MYH9: variants seen among roughly 807,000 people sequenced by gnomAD.
MYH9 encodes myosin-9.
Under a neutral mutation model 241.9 loss-of-function variants are expected in MYH9, and 29 were observed. The ratio of observed to expected loss-of-function variants is 0.12; its 90% CI spans 0.09 to 0.16. MYH9 has a LOEUF of 0.16. MYH9 is among the 10% of genes least tolerant of loss of function. MYH9 has a pLI of 1.00. For synonymous variants in MYH9, 1,047 were observed against 1,062.6 expected, an observed-to-expected ratio of 0.99 and a Z score of 0.29; for missense variants, 1,803 against 2,595.5, an observed-to-expected ratio of 0.69 and a Z score of 6.63.
intron 1 of MYH9, among the ~76,000 whole-genome samples, chr22:36,372,272 G>C (rs1219460273): frequency 6.6e-6 from 1 of 152,078 alleles, no homozygotes; most frequent in African/African-American, 2.4e-5. Context: ...AGGATCACTT[G>C]AACCCAGGTG....
intron 34 of MYH9, 175 bp from the exon 35 acceptor site, chr22:36,287,021 C>T (rs1400922344): frequency 2.4e-6 from 2 of 817,936 alleles, no homozygotes; most frequent in Non-Finnish European, 3.9e-6. Context: ...TCTGTGTATC[C>T]CACCCCGTAA....
At chr22:36,354,679 G>C (rs938255992) in intron 1 of MYH9, among the ~76,000 whole-genome samples, 2 of 150,410 alleles carry the variant, frequency 1.3e-5, no homozygotes, top group Non-Finnish European at 3.0e-5. Flanking sequence ...CCTGACCTCA[G>C]GTGATCTGCC....
intron 24 of MYH9, 73 bp from the exon 25 acceptor site, chr22:36,297,087 A>G: frequency 6.5e-7 from 1 of 1,534,070 alleles, no homozygotes; most frequent in Non-Finnish European, 8.9e-7. Context: ...CTTATACAAA[A>G]TACTGAGCAC....
chr22:36,362,248 G>A (rs1183213692), intron 1 of MYH9, among the ~76,000 whole-genome samples: 1 of 152,146 alleles, frequency 6.6e-6, no homozygotes, highest in African/African-American at 2.4e-5. Context: ...GACAAGTGCA[G>A]CCATAGACTT....
chr22:36,282,641 T>C lies in MYH9; in HGVS notation c.*27A>G. 2 of 1,600,804 alleles carry C rather than the reference T, an allele frequency of 1.2e-6. No individual in the cohort carries two copies. Among genetic ancestry groups the C allele is most frequent in the East Asian group, 4.5e-5 (2 of 44,828 alleles). On this transcript the variant is annotated 3_prime_UTR_variant, in exon 41 of 41. Coordinates refer to ENST00000216181, the MANE Select transcript of MYH9 (RefSeq NM_002473.6). Reference sequence around the variant, plus strand: ...GGAGGCTGTGGTGTCTGTCTGTCCATCCATCTCAGGCTGCAGGAGAAGAGG... The same window carrying C: ...GGAGGCTGTGGTGTCTGTCTGTCCACCCATCTCAGGCTGCAGGAGAAGAGG...
rs772826283 is a variant in MYH9, at chr22:36,294,073, G to A, written c.3837+19C>T. On this transcript the variant is annotated intron_variant, in intron 28 of 40. Coordinates refer to ENST00000216181, the MANE Select transcript of MYH9 (RefSeq NM_002473.6). ...GCTAGGGCCCACTGCCCGCGCCAGGGTCCTGGCGGAGGCCTCACCTGCAGC... is the reference window on the plus strand; with the variant it reads ...GCTAGGGCCCACTGCCCGCGCCAGGATCCTGGCGGAGGCCTCACCTGCAGC... 7 of 1,605,748 alleles carry A rather than the reference G, an allele frequency of 4.4e-6. No individual in the cohort carries two copies. The highest frequency in any genetic ancestry group is 1.7e-5 in the Admixed American group (1 of 59,998).
Position 36,330,705 on chromosome 22 carries a change from GGAT to G in MYH9, c.491-3220_491-3218del, listed in dbSNP as rs1403618140. On this transcript the variant is annotated intron_variant, in intron 3 of 40. Coordinates refer to ENST00000216181, the MANE Select transcript of MYH9 (RefSeq NM_002473.6). This position sits in a 1 kb window ranked among gnomAD's most constrained non-coding sequence, Gnocchi z 4.5. ...CCCTTCCCCGCACTGTCATCTCACA[GGAT>G]GAGCACATTCAGAGTCCGGCCCAAT... 6.6e-6 allele frequency among the ~76,000 whole-genome samples: 1 copy of G among 152,052 alleles called. No homozygotes were observed.
Position 36,281,522 on chromosome 22 carries a change from C to A in MYH9, c.*1146G>T. 1 of 227,366 alleles carries A rather than the reference C, an allele frequency of 4.4e-6. No homozygotes were observed. Among genetic ancestry groups the A allele is most frequent in the South Asian group, 1.8e-4 (1 of 5,466 alleles). 14.1% of individuals were successfully genotyped at this position (227,366 alleles called of 1,614,324 possible). ...TTGTTTCCTTTAAAAAAAAAAAATGCCTTCTTGCCGTAAGTCTCAATGCAG... is the reference window on the plus strand; with the variant it reads ...TTGTTTCCTTTAAAAAAAAAAAATGACTTCTTGCCGTAAGTCTCAATGCAG... On this transcript the variant is annotated 3_prime_UTR_variant, in exon 41 of 41. Coordinates refer to ENST00000216181, the MANE Select transcript of MYH9 (RefSeq NM_002473.6).
At position 36,285,288 on chromosome 22, in the gene MYH9, G is replaced by A. The variant is rs781525897; in HGVS notation, c.5316C>T (p.His1772=). 2.5e-5 allele frequency: 41 copies of A among 1,613,290 alleles called. No homozygotes were observed. The highest frequency in any genetic ancestry group is 4.5e-5 in the East Asian group (2 of 44,890). ...GCCGAGCATTCTCGTTCTTCTGGGC[G>A]TGGCTGCGCTCCAGGTTCAGGTCGG... ...INTDLNLERS[H]AQKNENARQQ... is the part of the protein sequence containing the mutation. Residue 1772 remains histidine, a synonymous_variant, in exon 38 of 41, where the codon CAC becomes CAT. Coordinates refer to ENST00000216181, the MANE Select transcript of MYH9 (RefSeq NM_002473.6). The surrounding 1 kb of genome is among the most constrained non-coding windows in gnomAD (Gnocchi z 7.0).
chr22:36,328,282 C>A (rs1305825985), intron 3 of MYH9, among the ~76,000 whole-genome samples: 3 of 152,230 alleles, frequency 2.0e-5, no homozygotes, highest in Non-Finnish European at 2.9e-5. Flanking sequence ...TAAATACCCA[C>A]CCTCCCCCAG....
chr22:36,333,029 A>G (rs4820234), intron 3 of MYH9, among the ~76,000 whole-genome samples: 92,719 of 151,982 alleles, frequency 0.61, 29,224 homozygotes, highest in African/African-American at 0.7. Flanking sequence ...GGAAAGACAA[A>G]GCAGGAGGGG....
At chr22:36,334,653 G>A (rs1476357015) in intron 3 of MYH9, among the ~76,000 whole-genome samples, 1 of 152,202 alleles carries the variant, frequency 6.6e-6, no homozygotes, top group African/African-American at 2.4e-5. Context: ...TTCATTAAGC[G>A]AGCAGGAGTG....
chr22:36,296,066 G>C (rs572958930), intron 25 of MYH9, among the ~76,000 whole-genome samples: 8 of 152,196 alleles, frequency 5.3e-5, no homozygotes, highest in Non-Finnish European at 1.0e-4. Context: ...ATGTGCTACG[G>C]ACTTTAGATG....
chr22:36,352,760 C>A (rs182748375), intron 1 of MYH9, among the ~76,000 whole-genome samples: 1 of 152,222 alleles, frequency 6.6e-6, no homozygotes, highest in East Asian at 1.9e-4. Flanking sequence ...GGACACCCCC[C>A]GCCTCCAAGG....
At chr22:36,335,884 C>T (rs1054939725) in intron 3 of MYH9, among the ~76,000 whole-genome samples, 6 of 152,222 alleles carry the variant, frequency 3.9e-5, no homozygotes, top group African/African-American at 1.4e-4. Flanking sequence ...CGTATGAATT[C>T]GAAGAGCCAT....
intron 1 of MYH9, among the ~76,000 whole-genome samples, chr22:36,383,653 T>C (rs1373923407): frequency 8.6e-6 from 1 of 116,190 alleles, no homozygotes; most frequent in East Asian, 2.3e-4. Flanking sequence ...TGATCATTTA[T>C]ATTAAAAAAA....
chr22:36,305,802 C>G lies in MYH9; in HGVS notation c.2159+128G>C. ...GAGGTGGGGAAGAGCTGGCCAGACT[C>G]AGTTCTACATGGATGGAGGACGTCG... On this transcript the variant is annotated intron_variant, in intron 17 of 40. Transcript: ENST00000216181. This position sits in a 1 kb window ranked among gnomAD's most constrained non-coding sequence, Gnocchi z 4.7. 7.4e-7 allele frequency: 1 copy of G among 1,358,876 alleles called. No individual in the cohort carries two copies. Among genetic ancestry groups the G allele is most frequent in the South Asian group, 1.2e-5 (1 of 85,664 alleles). 84.2% of individuals were successfully genotyped at this position (1,358,876 alleles called of 1,614,324 possible).
rs1288434900 is a variant in MYH9, at chr22:36,304,034, A to G, written c.2351T>C (p.Ile784Thr). ...ERDLKITDVI[I>T]GFQACCRGYL... The stretch of plus-strand genomic sequence containing the variant: ...GCCCCTGCAGCAGGCCTGGAACCCT[A>G]TGATGACGTCGGTGATCTTCAGGTC... Residue 784 changes from isoleucine to threonine, a missense_variant, in exon 19 of 41, where the codon ATA becomes ACA. Physicochemically the swap from Ile to Thr is moderately conservative, Grantham distance 89. This residue lies in a region of MYH9 where 72 missense variants were observed against 83.3 expected (regional missense o/e 0.86). Coordinates refer to ENST00000216181, the MANE Select transcript of MYH9 (RefSeq NM_002473.6). 6.2e-7 allele frequency: 1 copy of G among 1,613,784 alleles called. No individual in the cohort carries two copies. Among genetic ancestry groups the G allele is most frequent in the South Asian group, 1.1e-5 (1 of 91,088 alleles).
chr22:36,343,625 G>C (rs548908390), intron 2 of MYH9, among the ~76,000 whole-genome samples: 1 of 151,766 alleles, frequency 6.6e-6, no homozygotes, highest in Admixed American at 6.6e-5. Flanking sequence ...AGGAGATGCA[G>C]GGCCCTTGAT....
Sources: allele counts gnomAD v4.1 joint callset (sites outside exome capture counted in the v4.1 genomes callset), GRCh38; gene constraint gnomAD v4.1.1; regional missense constraint gnomAD v4.1.1; non-coding constraint Gnocchi (gnomAD v3.1); transcripts MANE v1.5; gene names NCBI Gene and HGNC (gene_info 2026-07-23, HGNC 2026-07-21).